The following ITSN1 variants were observed in gnomAD, a reference collection of about 807,000 sequenced individuals.
ITSN1 encodes the protein intersectin-1.
ITSN1 carries 58 observed loss-of-function variants against 239.8 expected under a neutral mutation model. The observed-to-expected ratio is 0.24, with a 90% CI of 0.20 to 0.30. ITSN1 has a LOEUF of 0.30. Among genes scored for constraint, ITSN1 ranks in the 10% least tolerant of loss-of-function variants. The pLI is 1.00. For synonymous variants in ITSN1, 780 were observed against 770.8 expected (o/e 1.01, Z -0.20); for missense variants, 1,558 against 2,103.3 (o/e 0.74, Z 5.07).
At chr21:33,643,065 G>A (rs1601377667) in intron 1 of ITSN1, among the ~76,000 whole-genome samples, 1 of 150,354 alleles carries the variant, frequency 6.7e-6, no homozygotes, top group Non-Finnish European at 1.5e-5. Flanking sequence ...GACCCCGGGC[G>A]GCCGCTCCTT....
chr21:33,650,916 T>G (rs750522173), intron 1 of ITSN1, among the ~76,000 whole-genome samples: 2 of 152,258 alleles, frequency 1.3e-5, no homozygotes, highest in Non-Finnish European at 2.9e-5. Context: ...TTTAGACCCC[T>G]TCAGATACAG....
chr21:33,843,490 C>T (rs573696599), intron 29 of ITSN1, among the ~76,000 whole-genome samples: 2 of 152,328 alleles, frequency 1.3e-5, no homozygotes, highest in Non-Finnish European at 2.9e-5. Flanking sequence ...TCAGTCTGAG[C>T]CAAATGTAAG....
intron 17 of ITSN1, among the ~76,000 whole-genome samples, chr21:33,796,350 A>G (rs1159119881): frequency 1.3e-5 from 2 of 152,252 alleles, no homozygotes; most frequent in Non-Finnish European, 2.9e-5. Flanking sequence ...TACTTTCTTA[A>G]AAGACATTTT....
chr21:33,786,121 G>A (rs1392454395), intron 16 of ITSN1, among the ~76,000 whole-genome samples: 1 of 152,126 alleles, frequency 6.6e-6, no homozygotes, highest in Non-Finnish European at 1.5e-5. Context: ...TAAATTTTAG[G>A]TTTTTGATTA....
chr21:33,716,602 C>G (rs551108327), intron 1 of ITSN1: 1 of 152,168 alleles, frequency 6.6e-6, no homozygotes, highest in Non-Finnish European at 1.5e-5. Context: ...CATCAGTCAA[C>G]AAGCTTGCCA....
intron 1 of ITSN1, among the ~76,000 whole-genome samples, chr21:33,657,175 C>T (rs2089164300): frequency 6.6e-6 from 1 of 152,168 alleles, no homozygotes; most frequent in African/African-American, 2.4e-5. Context: ...TCAACCCCTG[C>T]CCCCGTTTTG....
Position 33,799,900 on chromosome 21 carries a change from A to G in ITSN1, c.2275A>G (p.Ile759Val). Residue 759 changes from isoleucine (I) to valine (V), a missense_variant, in exon 19 of 40, where the codon ATC (isoleucine) becomes GTC (valine). Physicochemically the swap from Ile to Val is conservative, Grantham distance 29. This residue lies in a region of ITSN1 where 982 missense variants were observed against 1,209.9 expected (regional missense o/e 0.81). Coordinates refer to ENST00000381318, the MANE Select transcript of ITSN1 (RefSeq NM_003024.3). ...CTTTGAATCCAGAAGCCATGATGAA[A>G]TCACTATCCAGCCAGGAGACATAGT... is the stretch of plus-strand genomic sequence containing the variant. ...YPFESRSHDE[I>V]TIQPGDIVMV... is the part of the protein sequence containing the mutation. 1 of 1,614,046 alleles carries G rather than the reference A, an allele frequency of 6.2e-7. No individual in the cohort carries two copies. Among genetic ancestry groups the G allele is most frequent in the Admixed American group, 1.7e-5 (1 of 60,006 alleles).
At chr21:33,876,639 G>A (rs1983967097) in intron 34 of ITSN1, among the ~76,000 whole-genome samples, 2 of 152,176 alleles carry the variant, frequency 1.3e-5, no homozygotes, top group Admixed American at 6.5e-5. Flanking sequence ...CGTGACTCAC[G>A]CCTGTAATCC....
chr21:33,679,175 A>C (rs1443920843), intron 1 of ITSN1, among the ~76,000 whole-genome samples: 4 of 152,114 alleles, frequency 2.6e-5, no homozygotes, highest in African/African-American at 9.7e-5. Flanking sequence ...CCTTTGTATA[A>C]CCTTATTATG....
Position 33,794,321 on chromosome 21 carries a change from T to A in ITSN1, c.1825-20T>A, listed in dbSNP as rs1012335698. On this transcript the variant is annotated intron_variant, in intron 16 of 39. Transcript: ENST00000381318. ...CTGTCACTCATGTCGCTACATGAAC[T>A]GTTTCTCGGTTAATTATAGGAACTA... is the stretch of plus-strand genomic sequence containing the variant. The A allele has an allele frequency of 1.3e-6, 2 of 1,588,170 alleles. No individual in the cohort carries two copies. The highest frequency in any genetic ancestry group is 2.7e-5 in the African/African-American group (2 of 73,860).
chr21:33,842,590 A>C (rs2148434618), intron 29 of ITSN1, among the ~76,000 whole-genome samples: 1 of 152,128 alleles, frequency 6.6e-6, no homozygotes, highest in South Asian at 2.1e-4. Context: ...GCTTGGTGAC[A>C]GTAGGTCAAA....
intron 5 of ITSN1, among the ~76,000 whole-genome samples, chr21:33,743,264 A>C (rs1391265944): frequency 1.3e-5 from 2 of 152,228 alleles, no homozygotes; most frequent in Admixed American, 1.3e-4. Flanking sequence ...TCAGGAGTTC[A>C]AGACCAGCCT....
chr21:33,845,460 TC>T (rs2074963039), intron 29 of ITSN1, among the ~76,000 whole-genome samples: 2 of 151,964 alleles, frequency 1.3e-5, no homozygotes, highest in South Asian at 4.2e-4. Context: ...AAACATCACT[TC>T]TTATGCTTAA....
intron 31 of ITSN1, among the ~76,000 whole-genome samples, chr21:33,861,091 G>C (rs1980433385): frequency 6.6e-6 from 1 of 152,154 alleles, no homozygotes; most frequent in Non-Finnish European, 1.5e-5. Context: ...CTGGGGACCT[G>C]ATTTCTTTTT....
rs1024288539 is a variant in ITSN1 at position 33,729,463 on chromosome 21, T to TA, written c.186-5567dup. On this transcript the variant is annotated intron_variant, in intron 4 of 39. Coordinates refer to ENST00000381318, the MANE Select transcript of ITSN1 (RefSeq NM_003024.3). Reference sequence around the variant, plus strand: ...ACCCTGTCTCAAACAAACAAACAAATAAAAAAAAAAAAAAGAACCTAGTAA... The same window carrying TA: ...ACCCTGTCTCAAACAAACAAACAAATAAAAAAAAAAAAAAAGAACCTAGTAA... Among the ~76,000 whole-genome samples, 1,020 of 97,224 alleles carry TA rather than the reference T, an allele frequency of 0.01. 17 individuals carry two copies. In the East Asian group the frequency reaches 0.11, roughly 10 times the overall value. 63.8% of individuals were successfully genotyped at this position (97,224 alleles called of 152,430 possible).
intron 29 of ITSN1, chr21:33,837,487 G>C (rs1305792780): frequency 3.0e-6 from 3 of 985,616 alleles, no homozygotes; most frequent in Admixed American, 1.2e-4. Flanking sequence ...TTTTCATTTT[G>C]TCCAGTGTTA....
intron 32 of ITSN1, among the ~76,000 whole-genome samples, chr21:33,866,563 G>A (rs1362989239): frequency 2.0e-5 from 3 of 152,020 alleles, no homozygotes; most frequent in East Asian, 3.9e-4. Context: ...GCTGCGAGGT[G>A]TTCCTGGAAT....
At chr21:33,879,079 G>A (rs569220596) in intron 34 of ITSN1, among the ~76,000 whole-genome samples, 106 of 152,324 alleles carry the variant, frequency 7.0e-4, no homozygotes, top group Non-Finnish European at 1.3e-3. Flanking sequence ...CAAGCACCGT[G>A]TCTCAGGCCT....
chr21:33,874,280 C>T (rs183211021), intron 33 of ITSN1, among the ~76,000 whole-genome samples: 26 of 152,146 alleles, frequency 1.7e-4, no homozygotes, highest in Admixed American at 1.7e-3. Flanking sequence ...AGCCACCACC[C>T]CAAATGGTCT....
Sources: gnomAD v4.1 joint callset for allele counts (sites outside exome capture counted in the v4.1 genomes callset) on GRCh38, gnomAD v4.1.1 for gene constraint, gnomAD v4.1.1 regional missense constraint, MANE v1.5 for transcripts, NCBI Gene and HGNC (gene_info 2026-07-23, HGNC 2026-07-21) for gene names.